RXFP2: variants seen among roughly 807,000 people sequenced by gnomAD.
RXFP2 encodes relaxin receptor 2.
In RXFP2, 68 loss-of-function variants were observed where a neutral mutation model predicts 88.6. That is an observed-to-expected ratio of 0.77 (90% CI 0.63 to 0.94). The LOEUF (loss-of-function observed/expected upper bound fraction) is 0.94, where lower values mean the gene tolerates loss of function less well. Ranked by LOEUF, RXFP2 falls within the 40% of genes least tolerant of loss-of-function variation. The probability of loss-of-function intolerance (pLI) is 0.00; values close to 1 mark genes in which losing one functional copy is unlikely to be tolerated. For missense variants in RXFP2, 791 were observed against 893.9 expected (o/e 0.88, Z 1.47); for synonymous variants, 329 against 306.8 (o/e 1.07, Z -0.76).
Position 31,792,727 on chromosome 13 carries a change from T to C in RXFP2, c.1425T>C (p.Asp475=). The change falls in exon 16 of 18, where the codon GAT becomes GAC. Residue 475 remains aspartate, a synonymous_variant. Transcript: ENST00000298386. The part of the protein sequence containing the change: ...GVYLFFVGIF[D]IKYRGQYQKY... ...ACTTGTTCTTTGTTGGCATTTTCGATATAAAATACCGAGGGCAGTATCAGA... is the reference window on the plus strand; with the variant it reads ...ACTTGTTCTTTGTTGGCATTTTCGACATAAAATACCGAGGGCAGTATCAGA... The C allele has an allele frequency of 2.5e-6, 4 of 1,614,182 alleles. No homozygotes were observed. Among genetic ancestry groups the C allele is most frequent in the Non-Finnish European group, 3.4e-6 (4 of 1,180,030 alleles).
Position 31,766,008 on chromosome 13 carries a change from T to C in RXFP2, c.478T>C (p.Tyr160His), listed in dbSNP as rs781622647. Residue 160 changes from tyrosine (Y) to histidine (H), a missense_variant, in exon 5 of 18, where the codon TAC becomes CAC. Transcript: ENST00000298386. ...TCTTCCAGATAAAGTTTTCATCAAA[T>C]ACACAAAACTTAAAAAGATGTAAGT... is the stretch of plus-strand genomic sequence containing the variant. Reference protein sequence around the residue: ...HSLPDKVFIKYTKLKKIFLQH... With the variant: ...HSLPDKVFIKHTKLKKIFLQH... The C allele has an allele frequency of 2.6e-6, 4 of 1,541,246 alleles. No individual in the cohort carries two copies. The African/African-American group carries it at 5.5e-5, about 21-fold the overall frequency.
chr13:31,766,163 A>G (rs1259510408), intron 5 of RXFP2, 136 bp downstream of exon 5: 2 of 618,592 alleles, frequency 3.2e-6, no homozygotes, highest in African/African-American at 3.7e-5. Flanking sequence ...AAGATTAGAA[A>G]ATAAAACATT....
At chr13:31,757,261 G>C (rs1363123350) in intron 1 of RXFP2, among the ~76,000 whole-genome samples, 1 of 152,148 alleles carries the variant, frequency 6.6e-6, no homozygotes, top group Non-Finnish European at 1.5e-5. Context: ...AATGGCTAAG[G>C]GTGGGCCTAT....
At chr13:31,763,419 G>A (rs1192674915) in intron 3 of RXFP2, among the ~76,000 whole-genome samples, 1 of 152,104 alleles carries the variant, frequency 6.6e-6, no homozygotes, top group African/African-American at 2.4e-5. Flanking sequence ...ATGGAGGAGG[G>A]TGGGTTGCTG....
At chr13:31,744,307 G>C (rs189390919) in intron 1 of RXFP2, among the ~76,000 whole-genome samples, 1 of 152,242 alleles carries the variant, frequency 6.6e-6, no homozygotes, top group East Asian at 1.9e-4. Context: ...GGTCAGAATT[G>C]GCCAGGAGCT....
At chr13:31,779,157 A>C (rs1593463330) in intron 9 of RXFP2, among the ~76,000 whole-genome samples, 3 of 136,382 alleles carry the variant, frequency 2.2e-5, no homozygotes, top group Admixed American at 8.0e-5. Context: ...ATGGAGTCTC[A>C]CTCTGTTACC....
At position 31,792,738 on chromosome 13, in the gene RXFP2, G is replaced by A. The variant is rs745837973; in HGVS notation, c.1436G>A (p.Arg479Gln). 14 of 1,613,940 alleles carry A rather than the reference G, an allele frequency of 8.7e-6. No homozygotes were observed. In the Admixed American group the frequency reaches 1.0e-4, roughly 12 times the overall value. ...GTTGGCATTTTCGATATAAAATACCGAGGGCAGTATCAGAAGTATGCCTTG... is the reference window on the plus strand; with the variant it reads ...GTTGGCATTTTCGATATAAAATACCAAGGGCAGTATCAGAAGTATGCCTTG... ...FFVGIFDIKY[R>Q]GQYQKYALLW... Residue 479 changes from arginine (R) to glutamine (Q), a missense_variant, in exon 16 of 18, where the codon CGA becomes CAA. By Grantham distance (43) the Arg-to-Gln change is conservative. Transcript: ENST00000298386.
Position 31,790,200 on chromosome 13 carries a change from G to A in RXFP2, c.1145+1007G>A, listed in dbSNP as rs185213825. The stretch of plus-strand genomic sequence containing the variant: ...TCATATTCCTTGTCCTTTATTTATT[G>A]AAACATCCCCACCTTGTCACCCCAA... On this transcript the variant is annotated intron_variant, in intron 14 of 17. Transcript: ENST00000298386. Among the ~76,000 whole-genome samples, 265 of 152,136 alleles carry A rather than the reference G, an allele frequency of 1.7e-3. 1 individual carries two copies. Among genetic ancestry groups the A allele is most frequent in the African/African-American group, 6.1e-3 (255 of 41,502 alleles).
At chr13:31,761,046 C>G (rs1302784689) in intron 2 of RXFP2, among the ~76,000 whole-genome samples, 4 of 152,240 alleles carry the variant, frequency 2.6e-5, no homozygotes, top group African/African-American at 7.2e-5. Context: ...CTGTGACCTC[C>G]TGGGCTCAAG....
At chr13:31,791,768 T>C in intron 14 of RXFP2, 38 bp from the exon 15 acceptor site, 1 of 1,411,864 alleles carries the variant, frequency 7.1e-7, no homozygotes, top group Non-Finnish European at 1.0e-6. Context: ...TTCTGTATCA[T>C]TGCTGCAAAG....
At chr13:31,745,084 C>T (rs1871356043) in intron 1 of RXFP2, among the ~76,000 whole-genome samples, 1 of 151,834 alleles carries the variant, frequency 6.6e-6, no homozygotes, top group South Asian at 2.1e-4. Flanking sequence ...GCAGAAGAAT[C>T]GCTTGAACCC....
intron 13 of RXFP2, among the ~76,000 whole-genome samples, chr13:31,787,628 T>G (rs1305919491): frequency 1.3e-5 from 2 of 152,034 alleles, no homozygotes; most frequent in Non-Finnish European, 2.9e-5. Flanking sequence ...TTCTTTAGTG[T>G]TTTTCTTTCT....
chr13:31,757,490 C>G (rs1872012493), intron 1 of RXFP2, among the ~76,000 whole-genome samples: 1 of 152,192 alleles, frequency 6.6e-6, no homozygotes, highest in Non-Finnish European at 1.5e-5. Flanking sequence ...ATTCTAGTTC[C>G]CCTCTTTCTA....
intron 5 of RXFP2, among the ~76,000 whole-genome samples, chr13:31,772,776 G>T (rs1872779082): frequency 6.6e-6 from 1 of 152,174 alleles, no homozygotes; most frequent in South Asian, 2.1e-4. Context: ...AGGGAGATAG[G>T]TTGTACACAT....
intron 7 of RXFP2, among the ~76,000 whole-genome samples, chr13:31,775,797 T>C (rs1872919183): frequency 6.6e-6 from 1 of 152,252 alleles, no homozygotes. Flanking sequence ...GAAAACATGA[T>C]AGCTTGTAGT....
chr13:31,751,275 A>G (rs1315258874), intron 1 of RXFP2, among the ~76,000 whole-genome samples: 1 of 152,102 alleles, frequency 6.6e-6, no homozygotes, highest in Non-Finnish European at 1.5e-5. Flanking sequence ...CTCGGCAACA[A>G]GAGTGAAAAT....
chr13:31,761,160 C>T (rs535350907), intron 2 of RXFP2, among the ~76,000 whole-genome samples: 31 of 151,984 alleles, frequency 2.0e-4, no homozygotes, highest in Admixed American at 1.5e-3. Flanking sequence ...CCCTATGTTT[C>T]CCAAGCTGGT....
At position 31,776,412 on chromosome 13, in the gene RXFP2, C is replaced by A. The variant is rs563692536; in HGVS notation, c.642-964C>A. On this transcript the variant is annotated intron_variant, in intron 7 of 17. Transcript: ENST00000298386. ...TTGGGACTACACGTGTGAGCCACTA[C>A]ACCCAGCGAATTTTTTGTATTTTTA... 4.0e-5 allele frequency among the ~76,000 whole-genome samples: 6 copies of A among 151,458 alleles called. No homozygotes were observed. In the South Asian group the frequency reaches 8.4e-4, roughly 21 times the overall value.
chr13:31,758,243 C>T lies in RXFP2; in HGVS notation c.95-15C>T, dbSNP rs1189754642. Reference sequence around the variant, plus strand: ...GCCATGGTAACACTTTGTTTTTGCCCCTTCTTTCATGTAGATTTTGCACTG... The same window carrying T: ...GCCATGGTAACACTTTGTTTTTGCCTCTTCTTTCATGTAGATTTTGCACTG... On this transcript the variant is annotated splice_polypyrimidine_tract_variant and intron_variant, in intron 1 of 17. Transcript: ENST00000298386. 1 of 1,613,924 alleles carries T rather than the reference C, an allele frequency of 6.2e-7. No homozygotes were observed. Among genetic ancestry groups the T allele is most frequent in the Non-Finnish European group, 8.5e-7 (1 of 1,179,902 alleles).
Sources: allele counts gnomAD v4.1 joint callset (sites outside exome capture counted in the v4.1 genomes callset), GRCh38; gene constraint gnomAD v4.1.1; transcripts MANE v1.5; gene names NCBI Gene and HGNC (gene_info 2026-07-23, HGNC 2026-07-21).